Variants in TNKS2 observed in about 807,000 individuals in gnomAD.
TNKS2 encodes poly [ADP-ribose] polymerase tankyrase-2.
A neutral mutation model predicts 137.6 loss-of-function variants in TNKS2; 72 were observed. The observed-to-expected ratio is 0.52, with a 90% CI of 0.43 to 0.64. The LOEUF is 0.64. TNKS2 is among the 30% of genes least tolerant of loss of function. TNKS2 has a pLI of 0.00. For missense variants in TNKS2, 1,049 were observed against 1,410.2 expected, an observed-to-expected ratio of 0.74 and a Z score of 4.10; for synonymous variants, 516 against 512.1, an observed-to-expected ratio of 1.01 and a Z score of -0.10.
At chr10:91,850,998 GATAAA>G (rs1250402198) in intron 20 of TNKS2, among the ~76,000 whole-genome samples, 8 of 152,336 alleles carry the variant, frequency 5.3e-5, no homozygotes, top group Non-Finnish European at 8.8e-5. Flanking sequence ...TTATGGAAAA[GATAAA>G]ATAGAATACC....
At chr10:91,812,777 C>T (rs1367047045) in intron 1 of TNKS2, 2 of 985,158 alleles carry the variant, frequency 2.0e-6, no homozygotes, top group African/African-American at 3.5e-5. Context: ...GCTTAGGTAC[C>T]ACTGCTGCTT....
chr10:91,829,990 C>G (rs1201852473), intron 9 of TNKS2, among the ~76,000 whole-genome samples: 1 of 152,146 alleles, frequency 6.6e-6, no homozygotes, highest in African/African-American at 2.4e-5. Flanking sequence ...TTATAACTGG[C>G]AAATCTCTAC....
chr10:91,832,204 G>A (rs1310901048), intron 11 of TNKS2, among the ~76,000 whole-genome samples: 1 of 152,002 alleles, frequency 6.6e-6, no homozygotes, highest in Non-Finnish European at 1.5e-5. Flanking sequence ...TTGACTGCTT[G>A]GCATATCTTG....
Position 91,798,528 on chromosome 10 carries a change from T to C in TNKS2, c.-163T>C. The C allele has an allele frequency of 2.4e-6, 2 of 822,052 alleles. No individual in the cohort carries two copies. The highest frequency in any genetic ancestry group is 3.6e-5 in the African/African-American group (2 of 55,594). 50.9% of individuals were successfully genotyped at this position (822,052 alleles called of 1,614,324 possible). A position where few individuals can be genotyped will look rare whatever the true frequency, so the allele number is the denominator to read the frequency against. Reference sequence around the variant, plus strand: ...CAGGGAGCCCAGCGAGGGGCGCGCGTGGGCGCGGCCATGGGACTGCGCCGG... The same window carrying C: ...CAGGGAGCCCAGCGAGGGGCGCGCGCGGGCGCGGCCATGGGACTGCGCCGG... On this transcript the variant is annotated 5_prime_UTR_variant, in exon 1 of 27. Transcript: ENST00000371627.
At chr10:91,858,652 C>T (rs996777055) in intron 24 of TNKS2, among the ~76,000 whole-genome samples, 4 of 151,908 alleles carry the variant, frequency 2.6e-5, no homozygotes, top group African/African-American at 4.8e-5. Flanking sequence ...AATCTTGTAT[C>T]GTAATTAATG....
chr10:91,845,522 CTAAAT>C (rs1842343498), intron 17 of TNKS2, among the ~76,000 whole-genome samples: 1 of 152,154 alleles, frequency 6.6e-6, no homozygotes, highest in Non-Finnish European at 1.5e-5. Flanking sequence ...TAGTTTCCTG[CTAAAT>C]AGAATTCTTA....
intron 16 of TNKS2, among the ~76,000 whole-genome samples, chr10:91,844,567 A>G (rs1441915182): frequency 1.3e-5 from 2 of 152,192 alleles, no homozygotes; most frequent in African/African-American, 4.8e-5. Context: ...AGTGGTATGT[A>G]ACACCCATGA....
At chr10:91,803,115 A>G (rs1330479645) in intron 1 of TNKS2, among the ~76,000 whole-genome samples, 2 of 152,220 alleles carry the variant, frequency 1.3e-5, no homozygotes, top group Non-Finnish European at 1.5e-5. Flanking sequence ...GCCAGACAGT[A>G]TGTCTATCCC....
intron 1 of TNKS2, among the ~76,000 whole-genome samples, chr10:91,808,893 T>C (rs1844410636): frequency 6.6e-6 from 1 of 152,164 alleles, no homozygotes. Flanking sequence ...AAACTTGGAC[T>C]CTTCATCTTC....
In TNKS2 at chr10:91,827,017, C is replaced by T; in HGVS notation, c.796C>T (p.His266Tyr). 2 of 1,558,456 alleles carry T rather than the reference C, an allele frequency of 1.3e-6. No individual in the cohort carries two copies. Among genetic ancestry groups the T allele is most frequent in the Non-Finnish European group, 1.7e-6 (2 of 1,152,458 alleles). Residue 266 changes from histidine to tyrosine, a missense_variant and splice_region_variant, in exon 8 of 27, where the codon CAT becomes TAT. His to Tyr is a moderately conservative substitution (Grantham distance 83). Around this residue, in one of 6 missense-constraint regions of TNKS2, gnomAD observed 374 missense variants for 460.8 expected, o/e 0.81. Transcript: ENST00000371627. The stretch of plus-strand genomic sequence containing the variant: ...TAAATATATGCTTTTTGCTCTCCAG[C>T]ATGGTGCCTGTGTAAATGCAATGGA... The part of the protein sequence containing the change: ...HYEVTELLVK[H>Y]GACVNAMDLW...
At chr10:91,800,237 G>C (rs995904915) in intron 1 of TNKS2, among the ~76,000 whole-genome samples, 2 of 152,266 alleles carry the variant, frequency 1.3e-5, no homozygotes, top group East Asian at 1.9e-4. Context: ...CCGAAATTTC[G>C]GTGGTAAGTG....
rs191114881 is a variant in TNKS2 at position 91,800,694 on chromosome 10, G to A, written c.199+1805G>A. 8.5e-5 allele frequency among the ~76,000 whole-genome samples: 13 copies of A among 152,286 alleles called. No homozygotes were observed. The East Asian group carries it at 2.5e-3, about 29-fold the overall frequency. On this transcript the variant is annotated intron_variant, in intron 1 of 26. Transcript: ENST00000371627. ...ATTAAGAGTTAAAGGTATAAAAAGG[G>A]AGTAATAAAAATTATGAAGTGGGGG...
chr10:91,801,050 A>G (rs972521858), intron 1 of TNKS2, among the ~76,000 whole-genome samples: 4 of 152,170 alleles, frequency 2.6e-5, no homozygotes, highest in Admixed American at 6.5e-5. Context: ...GGACATCATT[A>G]TTTTAAAATT....
chr10:91,848,497 C>G lies in TNKS2; in HGVS notation c.2473C>G (p.Leu825Val). The G allele has an allele frequency of 6.2e-7, 1 of 1,614,148 alleles. No individual in the cohort carries two copies. The highest frequency in any genetic ancestry group is 8.5e-7 in the Non-Finnish European group (1 of 1,180,030). Residue 825 changes from leucine (L) to valine (V), a missense_variant, in exon 19 of 27, where the codon CTC (leucine) becomes GTC (valine). Physicochemically the swap from Leu to Val is conservative, Grantham distance 32. Transcript: ENST00000371627. ...AAGCCCAGGAGCCACTGCAGATGCT[C>G]TCTCTTCAGGTCCATCTAGCCCATC... ...VRSPGATADA[L>V]SSGPSSPSSL...
rs530625935 is a variant in TNKS2, at chr10:91,842,876, C to T, written c.2059+485C>T. Among the ~76,000 whole-genome samples, 161 of 152,296 alleles carry T rather than the reference C, an allele frequency of 1.1e-3. 1 individual carries two copies. Among genetic ancestry groups the T allele is most frequent in the Middle Eastern group, 3.4e-3 (1 of 294 alleles). On this transcript the variant is annotated intron_variant, in intron 16 of 26. Transcript: ENST00000371627. ...CGTACTTGAAGCTATTAGCTGAGTT[C>T]GAGTTCACTTTATTACTAGTATGTT...
At chr10:91,810,455 G>A (rs1373800056) in intron 1 of TNKS2, among the ~76,000 whole-genome samples, 1 of 151,824 alleles carries the variant, frequency 6.6e-6, no homozygotes. Context: ...TGGGACAAAG[G>A]CCAGGTGCTG....
In TNKS2 at chr10:91,862,106, G is replaced by A; in HGVS notation, c.3389G>A (p.Ser1130Asn). 6.2e-7 allele frequency: 1 copy of A among 1,612,868 alleles called. No individual in the cohort carries two copies. Among genetic ancestry groups the A allele is most frequent in the South Asian group, 1.1e-5 (1 of 90,928 alleles). ...CATCACTCAGTCACTGGTAGGCCCA[G>A]TGTAAATGGCCTAGCATTAGCTGAA... ...PGHHSVTGRP[S>N]VNGLALAEYV... The change falls in exon 26 of 27, where the codon AGT becomes AAT. Residue 1130 changes from serine (S) to asparagine (N), a missense_variant. By Grantham distance (46) the Ser-to-Asn change is conservative. Coordinates refer to ENST00000371627, the MANE Select transcript of TNKS2 (RefSeq NM_025235.4).
At chr10:91,801,176 A>G (rs1465988094) in intron 1 of TNKS2, among the ~76,000 whole-genome samples, 1 of 152,264 alleles carries the variant, frequency 6.6e-6, no homozygotes, top group Non-Finnish European at 1.5e-5. Flanking sequence ...AGAAAATGAA[A>G]ATTAGTTTAG....
intron 13 of TNKS2, 35 bp downstream of exon 13, chr10:91,837,033 G>A: frequency 6.2e-7 from 1 of 1,602,064 alleles, no homozygotes. Context: ...TTAACTTTGG[G>A]TTTTTATTTT....
Sources: gnomAD v4.1 joint callset for allele counts (sites outside exome capture counted in the v4.1 genomes callset) on GRCh38, gnomAD v4.1.1 for gene constraint, gnomAD v4.1.1 regional missense constraint, MANE v1.5 for transcripts, NCBI Gene and HGNC (gene_info 2026-07-23, HGNC 2026-07-21) for gene names.